HCN1: variants seen among roughly 807,000 people sequenced by gnomAD.
The protein encoded by HCN1 is potassium/sodium hyperpolarization-activated cyclic nucleotide-gated channel 1.
In HCN1, 13 loss-of-function variants were observed where a neutral mutation model predicts 78.9. The observed-to-expected ratio is 0.16, with a 90% CI of 0.11 to 0.26. The LOEUF (loss-of-function observed/expected upper bound fraction) is 0.26. Among genes scored for constraint, HCN1 ranks in the 10% least tolerant of loss-of-function variants. The probability of loss-of-function intolerance (pLI) is 1.00; values close to 1 mark genes in which losing one functional copy is unlikely to be tolerated. For missense variants in HCN1, 810 were observed against 1,154.3 expected, an observed-to-expected ratio of 0.70 and a Z score of 4.32; for synonymous variants, 552 against 455.5, an observed-to-expected ratio of 1.21 and a Z score of -2.70.
intron 5 of HCN1, among the ~76,000 whole-genome samples, chr5:45,305,443 C>A (rs1745709188): frequency 6.6e-6 from 1 of 152,040 alleles, no homozygotes; most frequent in Non-Finnish European, 1.5e-5. Context: ...CAACAATAAT[C>A]AGAAAGTGAA....
chr5:45,285,480 T>C (rs749654768), intron 6 of HCN1, among the ~76,000 whole-genome samples: 6 of 151,964 alleles, frequency 3.9e-5, no homozygotes, highest in Non-Finnish European at 8.8e-5. Context: ...CCTATAGACT[T>C]AGACACTTTC....
chr5:45,263,037 T>C (rs1410181441), intron 7 of HCN1, among the ~76,000 whole-genome samples: 1 of 152,156 alleles, frequency 6.6e-6, no homozygotes, highest in Non-Finnish European at 1.5e-5. Context: ...CGGCCTGTAA[T>C]ATGGCAAAGA....
intron 1 of HCN1, among the ~76,000 whole-genome samples, chr5:45,647,286 C>A (rs1282521697): frequency 6.6e-6 from 1 of 152,052 alleles, no homozygotes; most frequent in Non-Finnish European, 1.5e-5. Context: ...GCAAAATATA[C>A]CATTCAACAC....
At chr5:45,581,259 G>A (rs1347640577) in intron 2 of HCN1, among the ~76,000 whole-genome samples, 2 of 152,138 alleles carry the variant, frequency 1.3e-5, no homozygotes, top group Non-Finnish European at 2.9e-5. Context: ...ATCTCATTGT[G>A]GTTTTGATTT....
At chr5:45,615,657 T>C (rs1357978317) in intron 2 of HCN1, among the ~76,000 whole-genome samples, 1 of 152,008 alleles carries the variant, frequency 6.6e-6, no homozygotes, top group Non-Finnish European at 1.5e-5. Flanking sequence ...TCTGAATATA[T>C]CTAATTTAAA....
intron 5 of HCN1, among the ~76,000 whole-genome samples, chr5:45,328,381 A>C (rs1247124098): frequency 6.6e-6 from 1 of 151,432 alleles, no homozygotes; most frequent in Non-Finnish European, 1.5e-5. Context: ...CACTTGAAGC[A>C]TTTTATGGCT....
intron 2 of HCN1, among the ~76,000 whole-genome samples, chr5:45,480,861 A>AAGC (rs1741635884): frequency 6.6e-6 from 1 of 152,210 alleles, no homozygotes; most frequent in South Asian, 2.1e-4. Flanking sequence ...ATCCTAATAC[A>AAGC]ATTAGAAAGT....
intron 2 of HCN1, among the ~76,000 whole-genome samples, chr5:45,581,184 T>A (rs1744063897): frequency 6.6e-6 from 1 of 152,184 alleles, no homozygotes; most frequent in African/African-American, 2.4e-5. Flanking sequence ...TTTCTCCACA[T>A]CATCTCCAGC....
chr5:45,484,249 G>A (rs1289474934), intron 2 of HCN1, among the ~76,000 whole-genome samples: 1 of 151,930 alleles, frequency 6.6e-6, no homozygotes, highest in East Asian at 1.9e-4. Context: ...TGGCTAACAC[G>A]GTGAAACCTG....
intron 1 of HCN1, among the ~76,000 whole-genome samples, chr5:45,654,813 A>ACATG (rs1373555758): frequency 6.6e-6 from 1 of 152,188 alleles, no homozygotes; most frequent in African/African-American, 2.4e-5. Flanking sequence ...CTGTCTAATT[A>ACATG]CATGGCTAAG....
intron 6 of HCN1, among the ~76,000 whole-genome samples, chr5:45,276,744 AC>A (rs1284486182): frequency 6.6e-6 from 1 of 152,116 alleles, no homozygotes; most frequent in Non-Finnish European, 1.5e-5. Context: ...CCTACTAGAG[AC>A]TTTATGTAAA....
intron 2 of HCN1, among the ~76,000 whole-genome samples, chr5:45,521,193 C>T (rs1402537660): frequency 6.6e-6 from 1 of 151,680 alleles, no homozygotes; most frequent in African/African-American, 2.4e-5. Context: ...TGAAACCAAC[C>T]CTCTTTGCAA....
At chr5:45,570,022 T>C (rs539965317) in intron 2 of HCN1, among the ~76,000 whole-genome samples, 5 of 152,226 alleles carry the variant, frequency 3.3e-5, no homozygotes, top group Admixed American at 2.6e-4. Context: ...AGTAAAAAAT[T>C]TGTAGGTATT....
At position 45,258,333 on chromosome 5, in the gene HCN1, C is replaced by A. The variant is rs1266263734; in HGVS notation, c.*3588G>T. ...TGTCCTATAGGAATGACGGTAATAACTTGACTATGTACTTTGTAGTGTCCT... is the reference window on the plus strand; with the variant it reads ...TGTCCTATAGGAATGACGGTAATAAATTGACTATGTACTTTGTAGTGTCCT... On this transcript the variant is annotated 3_prime_UTR_variant, in exon 8 of 8. Coordinates refer to ENST00000303230, the MANE Select transcript of HCN1 (RefSeq NM_021072.4). 1 of 152,058 alleles carries A rather than the reference C, an allele frequency of 6.6e-6. No individual in the cohort carries two copies. Among genetic ancestry groups the A allele is most frequent in the African/African-American group, 2.4e-5 (1 of 41,404 alleles). 9.4% of individuals were successfully genotyped at this position (152,058 alleles called of 1,614,324 possible).
chr5:45,497,441 C>G (rs1167242475), intron 2 of HCN1, among the ~76,000 whole-genome samples: 1 of 152,178 alleles, frequency 6.6e-6, no homozygotes, highest in Non-Finnish European at 1.5e-5. Context: ...GAATTGATCC[C>G]TTTACCATTA....
intron 2 of HCN1, among the ~76,000 whole-genome samples, chr5:45,530,211 C>A (rs1354309090): frequency 6.6e-6 from 1 of 151,740 alleles, no homozygotes; most frequent in Non-Finnish European, 1.5e-5. Flanking sequence ...AAATCAGGTG[C>A]CACTCCTAAA....
chr5:45,373,209 T>A (rs1283488314), intron 4 of HCN1, among the ~76,000 whole-genome samples: 1 of 122,232 alleles, frequency 8.2e-6, no homozygotes, highest in East Asian at 2.2e-4. Context: ...ATATTTTATA[T>A]ATGTTATATA....
At chr5:45,379,457 A>G (rs1397955205) in intron 4 of HCN1, among the ~76,000 whole-genome samples, 1 of 149,302 alleles carries the variant, frequency 6.7e-6, no homozygotes, top group Non-Finnish European at 1.5e-5. Flanking sequence ...AAGTTTGTGT[A>G]TGTTTGAAAC....
intron 3 of HCN1, among the ~76,000 whole-genome samples, chr5:45,441,900 C>T (rs1740687266): frequency 6.6e-6 from 1 of 152,138 alleles, no homozygotes; most frequent in Admixed American, 6.5e-5. Context: ...TCAACAAATT[C>T]TGCAAGGTTA....
Sources: allele counts gnomAD v4.1 joint callset (sites outside exome capture counted in the v4.1 genomes callset), GRCh38; gene constraint gnomAD v4.1.1; transcripts MANE v1.5; gene names NCBI Gene and HGNC (gene_info 2026-07-23, HGNC 2026-07-21).